Variants in GSDME observed in about 807,000 individuals in gnomAD.
The protein encoded by GSDME is gasdermin-E.
In GSDME, 44 loss-of-function variants were observed where a neutral mutation model predicts 47.5. The ratio of observed to expected loss-of-function variants is 0.93; its 90% CI spans 0.73 to 1.19. GSDME has a LOEUF of 1.19. GSDME is among the 50% of genes most tolerant of loss of function. GSDME has a pLI of 0.00. For synonymous variants in GSDME, 258 were observed against 252.8 expected (o/e 1.02, Z -0.20); for missense variants, 663 against 604.2 (o/e 1.10, Z -1.02).
intron 5 of GSDME, chr7:24,717,035 G>A: frequency 1.7e-6 from 1 of 581,580 alleles, no homozygotes; most frequent in Middle Eastern, 2.7e-4. Context: ...TGTTGGAGGA[G>A]AGGGTGGCAT....
rs762510010 is a variant in GSDME at position 24,744,779 on chromosome 7, G to A, written c.212-25C>T. The stretch of plus-strand genomic sequence containing the variant: ...ACTGGAATGGAGGAGACGAGCAGAG[G>A]AAGCCGATGATGATAAGGCCACCAA... On this transcript the variant is annotated intron_variant, in intron 2 of 9. Coordinates refer to ENST00000645220, the MANE Select transcript of GSDME (RefSeq NM_001127453.2). This position sits in a 1 kb window ranked among gnomAD's most constrained non-coding sequence, Gnocchi z 4.5. The A allele has an allele frequency of 1.1e-5, 18 of 1,613,088 alleles. No homozygotes were observed. Among genetic ancestry groups the A allele is most frequent in the Non-Finnish European group, 1.2e-5 (14 of 1,179,600 alleles).
the GSDME span, among the ~76,000 whole-genome samples, chr7:24,770,796 T>G: frequency 3.6e-4 from 53 of 148,778 alleles, no homozygotes; most frequent in African/African-American, 1.0e-3. The surrounding 1 kb of genome is among the most constrained non-coding windows in gnomAD (Gnocchi z 4.6). Flanking sequence ...TGGACACCAC[T>G]GAGAAAAGAA....
the GSDME span, among the ~76,000 whole-genome samples, chr7:24,771,855 C>G: frequency 6.6e-6 from 1 of 152,220 alleles, no homozygotes; most frequent in Non-Finnish European, 1.5e-5. This position sits in a 1 kb window ranked among gnomAD's most constrained non-coding sequence, Gnocchi z 4.1. Flanking sequence ...ATCTCTAAGT[C>G]TTGTCCTAGT....
chr7:24,792,481 T>C, the GSDME span, among the ~76,000 whole-genome samples: 4 of 152,198 alleles, frequency 2.6e-5, no homozygotes, highest in African/African-American at 9.7e-5. Context: ...AGGTCTGTCT[T>C]TGACTTGGCA....
chr7:24,699,082 G>A lies in GSDME; in HGVS notation c.1435C>T (p.Leu479=). Residue 479 remains leucine (L), a synonymous_variant, in exon 10 of 10, where the codon CTG becomes TTG. Coordinates refer to ENST00000645220, the MANE Select transcript of GSDME (RefSeq NM_001127453.2). ...VILKDSKVFP[L]LLCITLNGLC... ...CCATTCAGGGTTATACAAAGAAGCA[G>A]TGGGAAGACTTTAGAGTCCTTCAGA... 2 of 1,614,150 alleles carry A rather than the reference G, an allele frequency of 1.2e-6. No individual in the cohort carries two copies. The highest frequency in any genetic ancestry group is 1.1e-5 in the South Asian group (1 of 91,084).
At chr7:24,706,829 A>G (rs974617361) in intron 7 of GSDME, among the ~76,000 whole-genome samples, 3 of 152,198 alleles carry the variant, frequency 2.0e-5, no homozygotes, top group Non-Finnish European at 2.9e-5. Flanking sequence ...ACCCTGCTGG[A>G]GAGCCAGTTC....
chr7:24,755,055 G>C (rs912694355), intron 1 of GSDME, among the ~76,000 whole-genome samples: 2 of 152,202 alleles, frequency 1.3e-5, no homozygotes, highest in Non-Finnish European at 2.9e-5. Flanking sequence ...GTGTGAGGAA[G>C]CTGAGGTTCA....
intron 5 of GSDME, among the ~76,000 whole-genome samples, chr7:24,711,815 CAAAAA>C (rs35002301): frequency 3.1e-5 from 3 of 97,062 alleles, no homozygotes; most frequent in African/African-American, 3.7e-5. Context: ...ACCTTGTCTC[CAAAAA>C]AAAAAAAAAA....
chr7:24,738,412 AAAG>A (rs1790378654), intron 3 of GSDME, among the ~76,000 whole-genome samples: 1 of 152,174 alleles, frequency 6.6e-6, no homozygotes, highest in Non-Finnish European at 1.5e-5. Context: ...CAAACTAACC[AAAG>A]AAGTGAAAAA....
At position 24,714,723 on chromosome 7, in the gene GSDME, T is replaced by G. The variant is rs1482148969; in HGVS notation, c.697+2531A>C. ...GGCTGTGTGTCTTTCAAACCCCATC[T>G]GAGAAAGAGAGGCTACCTCCACAGA... On this transcript the variant is annotated intron_variant, in intron 5 of 9. Transcript: ENST00000645220. The surrounding 1 kb of genome is among the most constrained non-coding windows in gnomAD (Gnocchi z 5.0). Among the ~76,000 whole-genome samples, 1 of 152,214 alleles carries G rather than the reference T, an allele frequency of 6.6e-6. No homozygotes were observed. The highest frequency in any genetic ancestry group is 1.9e-4 in the East Asian group (1 of 5,186).
chr7:24,742,617 T>C lies in GSDME; in HGVS notation c.404+1945A>G, dbSNP rs1157391154. On this transcript the variant is annotated intron_variant, in intron 3 of 9. Coordinates refer to ENST00000645220, the MANE Select transcript of GSDME (RefSeq NM_001127453.2). The surrounding 1 kb of genome is among the most constrained non-coding windows in gnomAD (Gnocchi z 4.4). Reference sequence around the variant, plus strand: ...CTGAATCATGGTGTTTAAAAACCTATATCGAGAAATGTGATTATAGGACAT... The same window carrying C: ...CTGAATCATGGTGTTTAAAAACCTACATCGAGAAATGTGATTATAGGACAT... Among the ~76,000 whole-genome samples, 1 of 152,200 alleles carries C rather than the reference T, an allele frequency of 6.6e-6. No homozygotes were observed. Among genetic ancestry groups the C allele is most frequent in the African/African-American group, 2.4e-5 (1 of 41,446 alleles).
chr7:24,788,436 C>T, the GSDME span, among the ~76,000 whole-genome samples: 13,619 of 152,224 alleles, frequency 0.089, 764 homozygotes, highest in South Asian at 0.12. This position sits in a 1 kb window ranked among gnomAD's most constrained non-coding sequence, Gnocchi z 4.6. Context: ...TACCCACTTC[C>T]CACTGTTGCT....
upstream of GSDME, among the ~76,000 whole-genome samples, chr7:24,762,832 T>C (rs932918192): frequency 2.0e-5 from 3 of 147,246 alleles, no homozygotes; most frequent in Non-Finnish European, 4.5e-5. Flanking sequence ...CTAAGGTACT[T>C]CTAGGTTTTG....
Position 24,698,768 on chromosome 7 carries a change from T to C in GSDME, c.*258A>G, listed in dbSNP as rs886772689. 9.6e-5 allele frequency: 50 copies of C among 518,520 alleles called. No homozygotes were observed. The highest frequency in any genetic ancestry group is 1.5e-4 in the Non-Finnish European group (43 of 286,196). 32.1% of individuals were successfully genotyped at this position (518,520 alleles called of 1,614,324 possible). A position where few individuals can be genotyped will look rare whatever the true frequency, so the allele number is the denominator to read the frequency against. On this transcript the variant is annotated 3_prime_UTR_variant, in exon 10 of 10. Transcript: ENST00000645220. ...ACGTCTGAATGTATGCTAAGAATTC[T>C]CCGCCCTCCCAGCTCTTTACATGCT... is the stretch of plus-strand genomic sequence containing the variant.
At chr7:24,788,601 T>C in the GSDME span, among the ~76,000 whole-genome samples, 1 of 152,216 alleles carries the variant, frequency 6.6e-6, no homozygotes, top group Non-Finnish European at 1.5e-5. This position sits in a 1 kb window ranked among gnomAD's most constrained non-coding sequence, Gnocchi z 4.6. Flanking sequence ...AAGGGGACAG[T>C]GATGTCCTGA....
In GSDME at chr7:24,728,143, C is replaced by T. The variant is rs1790031464; in HGVS notation, c.405-8925G>A. Among the ~76,000 whole-genome samples the T allele has an allele frequency of 6.6e-6, 1 of 152,124 alleles. No individual in the cohort carries two copies. Among genetic ancestry groups the T allele is most frequent in the South Asian group, 2.1e-4 (1 of 4,822 alleles). On this transcript the variant is annotated intron_variant, in intron 3 of 9. Coordinates refer to ENST00000645220, the MANE Select transcript of GSDME (RefSeq NM_001127453.2). This position sits in a 1 kb window ranked among gnomAD's most constrained non-coding sequence, Gnocchi z 7.2. ...CGGGGGCAATTCTGGCCAATGAGAC[C>T]TGAGGAAAATCTGTTAGGGGTTCTC...
rs115401469 is a variant in GSDME at position 24,752,638 on chromosome 7, G to C, written c.-19-2845C>G. Among the ~76,000 whole-genome samples, 996 of 152,310 alleles carry C rather than the reference G, an allele frequency of 6.5e-3. 10 individuals carry two copies. Among genetic ancestry groups the C allele is most frequent in the African/African-American group, 0.023 (953 of 41,534 alleles). On this transcript the variant is annotated intron_variant, in intron 1 of 9. Coordinates refer to ENST00000645220, the MANE Select transcript of GSDME (RefSeq NM_001127453.2). ...AGCCAGTTACCAAGAGAGGGAATTT[G>C]AAAGGAACAGATTTACTTTGCCAAA... is the stretch of plus-strand genomic sequence containing the variant.
rs1789081157 is a variant in GSDME, at chr7:24,705,992, A to G, written c.1183+192T>C. 3 of 700,454 alleles carry G rather than the reference A, an allele frequency of 4.3e-6. No homozygotes were observed. The East Asian group carries it at 8.2e-5, about 19-fold the overall frequency. The allele number at this position is 700,454 out of a possible 1,614,324, so 43.4% of individuals were successfully genotyped here. Reference sequence around the variant, plus strand: ...GTAGGGAGGCTTGTGCTGGATGGAAAGGCACAGACTCGAGACCGAAGGGGG... The same window carrying G: ...GTAGGGAGGCTTGTGCTGGATGGAAGGGCACAGACTCGAGACCGAAGGGGG... On this transcript the variant is annotated intron_variant, in intron 8 of 9. Transcript: ENST00000645220. This position sits in a 1 kb window ranked among gnomAD's most constrained non-coding sequence, Gnocchi z 4.1.
At chr7:24,759,762 C>A (rs941208239), upstream of GSDME, among the ~76,000 whole-genome samples, 3 of 152,140 alleles carry the variant, frequency 2.0e-5, no homozygotes, top group Non-Finnish European at 2.9e-5. Context: ...GGAGCATGGT[C>A]TGTGTTGGGA....
Sources: gnomAD v4.1 joint callset for allele counts (sites outside exome capture counted in the v4.1 genomes callset) on GRCh38, gnomAD v4.1.1 for gene constraint, Gnocchi (gnomAD v3.1) non-coding constraint, MANE v1.5 for transcripts, NCBI Gene and HGNC (gene_info 2026-07-23, HGNC 2026-07-21) for gene names.